RCL1: variants seen among roughly 807,000 people sequenced by gnomAD.
RCL1 encodes the protein RNA 3'-terminal phosphate cyclase-like protein.
Under a neutral mutation model 42.4 loss-of-function variants are expected in RCL1, and 24 were observed. The ratio of observed to expected loss-of-function variants is 0.57; its 90% confidence interval spans 0.41 to 0.80. The LOEUF (loss-of-function observed/expected upper bound fraction) is 0.80. Ranked by LOEUF, RCL1 falls within the 30% of genes least tolerant of loss-of-function variation. The pLI, the probability that RCL1 is intolerant of heterozygous loss-of-function variation, is 0.00. For missense variants in RCL1, 578 were observed against 467.9 expected (o/e 1.24, Z -2.17); for synonymous variants, 228 against 177.3 (o/e 1.29, Z -2.27).
intron 1 of RCL1, among the ~76,000 whole-genome samples, chr9:4,795,774 C>T (rs557057421): frequency 2.6e-5 from 4 of 152,280 alleles, no homozygotes; most frequent in African/African-American, 9.6e-5. Context: ...GGCTTTCGGC[C>T]TCAGGAACAT....
intron 8 of RCL1, among the ~76,000 whole-genome samples, chr9:4,855,640 T>G (rs1441033725): frequency 6.6e-6 from 1 of 152,136 alleles, no homozygotes; most frequent in Non-Finnish European, 1.5e-5. Flanking sequence ...TGTCTGTGGT[T>G]TTTTTTCAGG....
chr9:4,827,761 C>CCT (rs375068664), intron 3 of RCL1, among the ~76,000 whole-genome samples: 156 of 147,672 alleles, frequency 1.1e-3, no homozygotes, highest in African/African-American at 3.8e-3. Flanking sequence ...TGTGTGCACG[C>CCT]GTGTGTGTGT....
At chr9:4,852,981 C>G (rs763696883) in intron 8 of RCL1, among the ~76,000 whole-genome samples, 2 of 152,180 alleles carry the variant, frequency 1.3e-5, no homozygotes, top group Middle Eastern at 6.8e-3. Context: ...ATTTTAATTT[C>G]TAGTTATTAT....
At chr9:4,793,628 G>A (rs1414308155) in intron 1 of RCL1, among the ~76,000 whole-genome samples, 3 of 152,206 alleles carry the variant, frequency 2.0e-5, no homozygotes, top group Non-Finnish European at 2.9e-5. Flanking sequence ...GAGACATTGG[G>A]AGAGAAAAGT....
intron 7 of RCL1, among the ~76,000 whole-genome samples, chr9:4,847,197 A>G (rs999335402): frequency 1.3e-5 from 2 of 152,010 alleles, no homozygotes; most frequent in African/African-American, 4.8e-5. Context: ...TCTTTAGTTG[A>G]GATCTACTTT....
rs527724836 is a variant in RCL1 at position 4,823,152 on chromosome 9, G to C, written c.137-396G>C. 1.4e-4 allele frequency among the ~76,000 whole-genome samples: 22 copies of C among 152,236 alleles called. No individual in the cohort carries two copies. The East Asian group carries it at 4.3e-3, about 29-fold the overall frequency. ...GGCATTCTGGAGCAGGGAAGAATCT[G>C]ACTTTAAAATTGTTCCCTACTTTCT... On this transcript the variant is annotated intron_variant, in intron 1 of 8. Transcript: ENST00000381750.
chr9:4,818,909 A>G (rs1201041377), intron 1 of RCL1, among the ~76,000 whole-genome samples: 3 of 151,792 alleles, frequency 2.0e-5, no homozygotes, highest in Admixed American at 6.6e-5. Context: ...TTGAAATCAC[A>G]TTATATATAT....
chr9:4,812,374 ATCT>A (rs1816211171), intron 1 of RCL1, among the ~76,000 whole-genome samples: 1 of 151,692 alleles, frequency 6.6e-6, no homozygotes, highest in Admixed American at 6.6e-5. Context: ...GAGAGTAGGC[ATCT>A]AGTTCCTTTC....
At chr9:4,828,381 A>G (rs902490591) in intron 3 of RCL1, among the ~76,000 whole-genome samples, 39 of 152,184 alleles carry the variant, frequency 2.6e-4, no homozygotes, top group African/African-American at 8.4e-4. Flanking sequence ...CTACTAGGGT[A>G]TAAACATTGT....
At chr9:4,830,289 G>A (rs1816903897) in intron 3 of RCL1, among the ~76,000 whole-genome samples, 1 of 152,194 alleles carries the variant, frequency 6.6e-6, no homozygotes, top group African/African-American at 2.4e-5. Context: ...TAAGAGCTGA[G>A]GTTGGGATTT....
At chr9:4,851,020 G>A (rs1039654857) in intron 8 of RCL1, among the ~76,000 whole-genome samples, 6 of 151,964 alleles carry the variant, frequency 3.9e-5, no homozygotes, top group Non-Finnish European at 2.9e-5. Context: ...GTTTTTTTTC[G>A]TGACACTTTT....
intron 1 of RCL1, among the ~76,000 whole-genome samples, chr9:4,798,088 G>A (rs573366563): frequency 3.3e-5 from 5 of 152,188 alleles, no homozygotes; most frequent in Non-Finnish European, 2.9e-5. Flanking sequence ...GAAGACAAAC[G>A]TGTAGTGAGG....
Position 4,834,277 on chromosome 9 carries a change from A to G in RCL1, c.584+12A>G, listed in dbSNP as rs757002349. ...ATTAGAGGAATGGCGTATCCTTTCC[A>G]TTTATTTGGATTTCTTTTTTTTTTG... On this transcript the variant is annotated intron_variant, in intron 5 of 8. Transcript: ENST00000381750. The G allele has an allele frequency of 5.0e-6, 8 of 1,599,502 alleles. No homozygotes were observed. Among genetic ancestry groups the G allele is most frequent in the Non-Finnish European group, 6.0e-6 (7 of 1,173,584 alleles).
intron 4 of RCL1, among the ~76,000 whole-genome samples, chr9:4,833,775 A>G (rs938498426): frequency 6.6e-6 from 1 of 152,190 alleles, no homozygotes; most frequent in Non-Finnish European, 1.5e-5. Context: ...TTATTTAATA[A>G]TGTTTTGGTA....
Position 4,814,805 on chromosome 9 carries a change from T to C in RCL1, c.137-8743T>C, listed in dbSNP as rs1816313984. ...CTTCTTGAGCATTTCTTGTAAGGCC[T>C]GGCTAATAGTAATGAATTTCCTCAG... On this transcript the variant is annotated intron_variant, in intron 1 of 8. Transcript: ENST00000381750. Among the ~76,000 whole-genome samples the C allele has an allele frequency of 2.0e-5, 3 of 152,220 alleles. No individual in the cohort carries two copies. In the South Asian group the frequency reaches 6.2e-4, roughly 31 times the overall value.
intron 3 of RCL1, among the ~76,000 whole-genome samples, chr9:4,831,332 C>CCA (rs1563844873): frequency 0.012 from 1,777 of 152,256 alleles, 38 homozygotes; most frequent in African/African-American, 0.041. Context: ...TCGAGAGAGC[C>CCA]GGTGGCTGCC....
At chr9:4,834,677 G>T (rs771214755) in intron 5 of RCL1, among the ~76,000 whole-genome samples, 9 of 151,662 alleles carry the variant, frequency 5.9e-5, no homozygotes, top group Non-Finnish European at 1.2e-4. Flanking sequence ...AGTGGGGTGG[G>T]GGCCTGGAGT....
intron 1 of RCL1, among the ~76,000 whole-genome samples, chr9:4,805,955 G>A (rs952601843): frequency 1.3e-5 from 2 of 151,466 alleles, no homozygotes; most frequent in African/African-American, 4.9e-5. Context: ...AATTGTAAAT[G>A]GTGTATCATA....
At chr9:4,840,685 A>G (rs1817286364) in intron 5 of RCL1, among the ~76,000 whole-genome samples, 1 of 152,188 alleles carries the variant, frequency 6.6e-6, no homozygotes, top group Non-Finnish European at 1.5e-5. Flanking sequence ...ACCTTTTTAT[A>G]TATTTATAAA....
Sources: allele counts gnomAD v4.1 joint callset (sites outside exome capture counted in the v4.1 genomes callset), GRCh38; gene constraint gnomAD v4.1.1; transcripts MANE v1.5; gene names NCBI Gene and HGNC (gene_info 2026-07-23, HGNC 2026-07-21).